The following SH3RF3 variants were observed in gnomAD, a reference collection of about 807,000 sequenced individuals.
SH3RF3 encodes SH3 domain containing ring finger 3, also known as E3 ubiquitin-protein ligase SH3RF3.
SH3RF3 carries 29 observed loss-of-function variants against 66.3 expected under a neutral mutation model. That is an observed-to-expected ratio of 0.44 (90% CI 0.33 to 0.60). SH3RF3 has a LOEUF of 0.60. Ranked by LOEUF, SH3RF3 falls within the 20% of genes least tolerant of loss-of-function variation. The pLI is 0.04. For missense variants in SH3RF3, 1,194 were observed against 1,190.9 expected, an observed-to-expected ratio of 1.00 and a Z score of -0.04; for synonymous variants, 583 against 532.0, an observed-to-expected ratio of 1.10 and a Z score of -1.32.
At chr2:109,276,705 T>A (rs1680766367) in intron 1 of SH3RF3, among the ~76,000 whole-genome samples, 1 of 152,220 alleles carries the variant, frequency 6.6e-6, no homozygotes, top group South Asian at 2.1e-4. Flanking sequence ...TTTTGGCTTG[T>A]TTTAAATCAC....
At chr2:109,402,057 G>A (rs1005933494) in intron 4 of SH3RF3, among the ~76,000 whole-genome samples, 2 of 152,168 alleles carry the variant, frequency 1.3e-5, no homozygotes, top group Non-Finnish European at 2.9e-5. Context: ...TGATTTAATC[G>A]AGCTGCCGGG....
intron 8 of SH3RF3, among the ~76,000 whole-genome samples, chr2:109,461,994 G>A (rs955852908): frequency 8.5e-5 from 13 of 152,062 alleles, no homozygotes; most frequent in Non-Finnish European, 1.8e-4. Context: ...CACCTTACGA[G>A]GGATGTCTCA....
At chr2:109,432,159 G>T (rs1026570263) in intron 5 of SH3RF3, among the ~76,000 whole-genome samples, 8 of 152,214 alleles carry the variant, frequency 5.3e-5, no homozygotes. Context: ...CTGGCCCTGG[G>T]ATGCAGTTCA....
At chr2:109,200,038 C>T (rs1029908421) in intron 1 of SH3RF3, among the ~76,000 whole-genome samples, 4 of 151,834 alleles carry the variant, frequency 2.6e-5, no homozygotes, top group African/African-American at 4.8e-5. Context: ...ATGGGACAGC[C>T]CCCCACAGAG....
intron 6 of SH3RF3, among the ~76,000 whole-genome samples, chr2:109,436,285 C>G (rs1294088903): frequency 1.3e-5 from 2 of 152,326 alleles, no homozygotes; most frequent in East Asian, 1.9e-4. Flanking sequence ...TGCAAATACA[C>G]AGAGGGAAAG....
At position 109,449,437 on chromosome 2, in the gene SH3RF3, C is replaced by T. The variant is rs369755435; in HGVS notation, c.2096C>T (p.Thr699Ile). ...GGGGGGCCCATCGGTGTTCTGTCCA[C>T]ATCCAGCCCCACCAACACGGGATGC... ...AGGGPIGVLS[T>I]SSPTNTGCKL... is the part of the protein sequence containing the mutation. The change falls in exon 8 of 10, where the codon ACA becomes ATA. Residue 699 changes from threonine to isoleucine, a missense_variant. Transcript: ENST00000309415. 8 of 1,613,918 alleles carry T rather than the reference C, an allele frequency of 5.0e-6. No individual in the cohort carries two copies. In the African/African-American group the frequency reaches 8.0e-5, roughly 16 times the overall value.
intron 3 of SH3RF3, among the ~76,000 whole-genome samples, chr2:109,377,844 G>A (rs183859259): frequency 6.6e-6 from 1 of 152,322 alleles, no homozygotes; most frequent in Non-Finnish European, 1.5e-5. Flanking sequence ...TTTACAAAGA[G>A]AGGCTATTAT....
chr2:109,397,108 G>C (rs1477051823), intron 3 of SH3RF3, among the ~76,000 whole-genome samples: 2 of 152,148 alleles, frequency 1.3e-5, no homozygotes, highest in African/African-American at 2.4e-5. Flanking sequence ...CAGAGACCCT[G>C]TAGGCCCCAA....
intron 1 of SH3RF3, among the ~76,000 whole-genome samples, chr2:109,249,532 TTTCCTTCCTTCCTTCCTTCCTTCC>T (rs34592741): frequency 5.2e-5 from 5 of 96,450 alleles, no homozygotes; most frequent in Non-Finnish European, 8.1e-5. Context: ...TCTTTCTTTC[TTTCCTTCCTTCCTTCCTTCCTTCC>T]TTCCTTCCTT....
intron 1 of SH3RF3, among the ~76,000 whole-genome samples, chr2:109,135,682 G>A (rs1184452439): frequency 6.6e-6 from 1 of 152,122 alleles, no homozygotes; most frequent in Admixed American, 6.5e-5. Context: ...GGGTGTGTGT[G>A]TGTTGTGAGT....
intron 1 of SH3RF3, among the ~76,000 whole-genome samples, chr2:109,247,680 C>A (rs1280461876): frequency 1.3e-5 from 2 of 152,194 alleles, no homozygotes; most frequent in Admixed American, 1.3e-4. Flanking sequence ...TTTCTGATTG[C>A]CAGTGAAGGA....
intron 1 of SH3RF3, among the ~76,000 whole-genome samples, chr2:109,163,923 G>T (rs1249615545): frequency 6.6e-6 from 1 of 152,164 alleles, no homozygotes; most frequent in Non-Finnish European, 1.5e-5. Flanking sequence ...AGATGGGCTA[G>T]GACTGGTTTC....
rs1390531621 is a variant in SH3RF3 at position 109,398,709 on chromosome 2, C to A, written c.1065C>A (p.Pro355=). The A allele has an allele frequency of 1.2e-6, 2 of 1,612,642 alleles. No individual in the cohort carries two copies. The highest frequency in any genetic ancestry group is 1.7e-6 in the Non-Finnish European group (2 of 1,179,474). ...SGAVASVAPS[P]TLSSSGAVSA... ...CTGTGGCCAGCGTGGCCCCAAGTCC[C>A]ACTTTAAGCAGCTCAGGGGCGGTCA... The change falls in exon 4 of 10, where the codon CCC becomes CCA. Residue 355 remains proline (P), a synonymous_variant. Coordinates refer to ENST00000309415, the MANE Select transcript of SH3RF3 (RefSeq NM_001099289.3).
rs1371278188 is a variant in SH3RF3 at position 109,251,774 on chromosome 2, CA to C, written c.574-95893del. The C allele has an allele frequency of 3.0e-5, 16 of 525,922 alleles. No individual in the cohort carries two copies. The East Asian group carries it at 4.3e-4, about 14-fold the overall frequency. 32.6% of individuals were successfully genotyped at this position (525,922 alleles called of 1,614,324 possible). ...TTGTTAAATAAACTTTTGTAATAGTCAAAAAAAGAATTAGATAATACTAAAA... is the reference window on the plus strand; with the variant it reads ...TTGTTAAATAAACTTTTGTAATAGTCAAAAAAGAATTAGATAATACTAAAA... On this transcript the variant is annotated intron_variant, in intron 1 of 9. Transcript: ENST00000309415.
chr2:109,300,535 A>G (rs1375167135), intron 1 of SH3RF3, among the ~76,000 whole-genome samples: 1 of 152,164 alleles, frequency 6.6e-6, no homozygotes, highest in East Asian at 1.9e-4. Flanking sequence ...ACATGAATCC[A>G]TGCTCCAGAG....
At chr2:109,441,130 T>C (rs866234581) in intron 7 of SH3RF3, among the ~76,000 whole-genome samples, 1 of 43,332 alleles carries the variant, frequency 2.3e-5, no homozygotes, top group Non-Finnish European at 4.7e-5. Flanking sequence ...TTTATAGGAA[T>C]ACAAAAAAAA....
At chr2:109,430,638 G>T (rs1333200403) in intron 5 of SH3RF3, among the ~76,000 whole-genome samples, 1 of 152,110 alleles carries the variant, frequency 6.6e-6, no homozygotes, top group Non-Finnish European at 1.5e-5. Flanking sequence ...GCAGTTGTTT[G>T]TCATTTTCAC....
intron 1 of SH3RF3, among the ~76,000 whole-genome samples, chr2:109,310,619 A>G (rs1681702682): frequency 1.3e-5 from 1 of 74,794 alleles, no homozygotes; most frequent in Non-Finnish European, 2.3e-5. Context: ...AAAAAAAGAG[A>G]GAAGAATCAA....
At chr2:109,381,401 C>T (rs1296966915) in intron 3 of SH3RF3, among the ~76,000 whole-genome samples, 1 of 152,166 alleles carries the variant, frequency 6.6e-6, no homozygotes, top group African/African-American at 2.4e-5. Flanking sequence ...AACTTTAGCT[C>T]CTCTCTGGGC....
Sources: allele counts gnomAD v4.1 joint callset (sites outside exome capture counted in the v4.1 genomes callset), GRCh38; gene constraint gnomAD v4.1.1; transcripts MANE v1.5; gene names NCBI Gene and HGNC (gene_info 2026-07-23, HGNC 2026-07-21).